PLD5: variants seen among roughly 807,000 people sequenced by gnomAD.
PLD5 encodes the protein inactive phospholipase D5.
Under a neutral mutation model 61.1 loss-of-function variants are expected in PLD5, and 36 were observed. The observed-to-expected ratio is 0.59, with a 90% CI of 0.45 to 0.78. The LOEUF (loss-of-function observed/expected upper bound fraction) is 0.78, where lower values mean the gene tolerates loss of function less well. Ranked by LOEUF, PLD5 falls within the 30% of genes least tolerant of loss-of-function variation. The probability of loss-of-function intolerance (pLI) is 0.00; values close to 1 mark genes in which losing one functional copy is unlikely to be tolerated. For missense variants in PLD5, 515 were observed against 644.4 expected, an observed-to-expected ratio of 0.80 and a Z score of 2.17; for synonymous variants, 243 against 242.8, an observed-to-expected ratio of 1.00 and a Z score of -0.01.
chr1:242,407,114 G>A (rs113781653), intron 1 of PLD5, among the ~76,000 whole-genome samples: 30 of 152,164 alleles, frequency 2.0e-4, no homozygotes, highest in African/African-American at 7.2e-4. Flanking sequence ...CCTGGGGGCG[G>A]GTCTTTCTCA....
At chr1:242,344,218 C>A (rs1488062912) in intron 2 of PLD5, among the ~76,000 whole-genome samples, 1 of 152,204 alleles carries the variant, frequency 6.6e-6, no homozygotes, top group Non-Finnish European at 1.5e-5. Flanking sequence ...GACCCTCTAA[C>A]CAATTACATA....
intron 5 of PLD5, among the ~76,000 whole-genome samples, chr1:242,164,167 G>GAAAAA (rs34329270): frequency 2.1e-5 from 3 of 145,908 alleles, no homozygotes; most frequent in Admixed American, 6.8e-5. Context: ...TCTGAATGCA[G>GAAAAA]AAAAAAAAAA....
chr1:242,447,797 TC>T (rs1386183582), intron 1 of PLD5, among the ~76,000 whole-genome samples: 2 of 152,210 alleles, frequency 1.3e-5, no homozygotes, highest in East Asian at 3.9e-4. Flanking sequence ...CCTGACCTGC[TC>T]CTCATTTCTC....
chr1:242,127,572 T>A (rs1404709693), intron 5 of PLD5, among the ~76,000 whole-genome samples: 1 of 151,954 alleles, frequency 6.6e-6, no homozygotes. Context: ...CCAAACATCA[T>A]ATGTTCTCAC....
chr1:242,411,359 C>T (rs1160130113), intron 1 of PLD5, among the ~76,000 whole-genome samples: 1 of 152,210 alleles, frequency 6.6e-6, no homozygotes, highest in Non-Finnish European at 1.5e-5. Flanking sequence ...CCTCAGCCTC[C>T]CGAGTAGCTG....
chr1:242,122,331 T>C lies in PLD5; in HGVS notation c.933+2137A>G, dbSNP rs193022978. 3.2e-4 allele frequency among the ~76,000 whole-genome samples: 48 copies of C among 152,364 alleles called. 1 individual carries two copies. The highest frequency in any genetic ancestry group is 1.1e-3 in the African/African-American group (47 of 41,594). Reference sequence around the variant, plus strand: ...CTGTTTAAGGGTTAGTATGTAAATGTATGCAACAACCATATTCACTTATCT... The same window carrying C: ...CTGTTTAAGGGTTAGTATGTAAATGCATGCAACAACCATATTCACTTATCT... On this transcript the variant is annotated intron_variant, in intron 6 of 9. Transcript: ENST00000536534.
At position 242,084,814 on chromosome 1, in the gene PLD5, T is replaced by A. The variant is rs1344058456; in HGVS notation, c.*5040A>T. On this transcript the variant is annotated 3_prime_UTR_variant, in exon 10 of 10. Coordinates refer to ENST00000536534, the MANE Select transcript of PLD5 (RefSeq NM_001372062.1). ...ATAGGTATAGTGTTTCAAAGATGCCTCCTTGTGTGAATATACAAAACAGTG... is the reference window on the plus strand; with the variant it reads ...ATAGGTATAGTGTTTCAAAGATGCCACCTTGTGTGAATATACAAAACAGTG... 1 of 138,278 alleles carries A rather than the reference T, an allele frequency of 7.2e-6. No homozygotes were observed. The highest frequency in any genetic ancestry group is 2.7e-5 in the African/African-American group (1 of 37,702). 8.6% of individuals were successfully genotyped at this position (138,278 alleles called of 1,614,324 possible).
chr1:242,216,866 G>A (rs1392811799), intron 5 of PLD5, among the ~76,000 whole-genome samples: 1 of 152,198 alleles, frequency 6.6e-6, no homozygotes, highest in Non-Finnish European at 1.5e-5. Context: ...ACTCTGTTAG[G>A]TGCTGATGAG....
chr1:242,328,247 T>A (rs576096739), intron 2 of PLD5, among the ~76,000 whole-genome samples: 1 of 151,574 alleles, frequency 6.6e-6, no homozygotes, highest in South Asian at 2.1e-4. Context: ...ATTATCAAGA[T>A]GAACATATAT....
At chr1:242,308,973 G>T (rs996793428) in intron 2 of PLD5, among the ~76,000 whole-genome samples, 2 of 152,148 alleles carry the variant, frequency 1.3e-5, no homozygotes, top group African/African-American at 4.8e-5. Context: ...GGGGACGTAA[G>T]GGGGAGAAAG....
chr1:242,380,513 A>G (rs1238576886), intron 1 of PLD5, among the ~76,000 whole-genome samples: 1 of 152,144 alleles, frequency 6.6e-6, no homozygotes, highest in African/African-American at 2.4e-5. Context: ...GCTTCTCCCA[A>G]ACCCTCTCAA....
chr1:242,326,917 G>A (rs1658828647), intron 2 of PLD5, among the ~76,000 whole-genome samples: 1 of 151,382 alleles, frequency 6.6e-6, no homozygotes, highest in African/African-American at 2.4e-5. Context: ...CCAGGCTGGA[G>A]TGCAGTGGTG....
At position 242,238,801 on chromosome 1, in the gene PLD5, C is replaced by T. The variant is rs78211579; in HGVS notation, c.608-18686G>A. On this transcript the variant is annotated intron_variant, in intron 4 of 9. Transcript: ENST00000536534. ...ATGGGGCCATCTGAGTGAGCAGAGCCTTTGGATGACTCTGGGGCCTAGCAG... is the reference window on the plus strand; with the variant it reads ...ATGGGGCCATCTGAGTGAGCAGAGCTTTTGGATGACTCTGGGGCCTAGCAG... 4.6e-5 allele frequency among the ~76,000 whole-genome samples: 7 copies of T among 152,250 alleles called. No individual in the cohort carries two copies. In the East Asian group the frequency reaches 1.4e-3, roughly 29 times the overall value.
intron 1 of PLD5, among the ~76,000 whole-genome samples, chr1:242,490,388 T>C (rs1361447686): frequency 6.6e-6 from 1 of 152,232 alleles, no homozygotes; most frequent in Non-Finnish European, 1.5e-5. Context: ...ATTTTTTAAT[T>C]GTATTGTAAT....
chr1:242,387,754 C>A (rs1408515715), intron 1 of PLD5, among the ~76,000 whole-genome samples: 1 of 145,804 alleles, frequency 6.9e-6, no homozygotes, highest in African/African-American at 2.5e-5. Context: ...TGATATATAT[C>A]AAAATAAATA....
intron 1 of PLD5, among the ~76,000 whole-genome samples, chr1:242,391,064 G>A (rs1251799805): frequency 6.6e-6 from 1 of 152,046 alleles, no homozygotes; most frequent in Non-Finnish European, 1.5e-5. Flanking sequence ...GTGTGGTGGC[G>A]GGTATCTGCA....
intron 5 of PLD5, among the ~76,000 whole-genome samples, chr1:242,207,522 C>T (rs1669397528): frequency 6.6e-6 from 1 of 151,982 alleles, no homozygotes; most frequent in East Asian, 1.9e-4. Context: ...AGAAGCTGCT[C>T]ACAGATCTTC....
chr1:242,403,778 T>G (rs1664074822), intron 1 of PLD5, among the ~76,000 whole-genome samples: 1 of 152,168 alleles, frequency 6.6e-6, no homozygotes, highest in African/African-American at 2.4e-5. Context: ...TGGGTGTGAA[T>G]GAGCCCCATC....
At chr1:242,307,189 T>C (rs554460858) in intron 2 of PLD5, among the ~76,000 whole-genome samples, 1 of 152,344 alleles carries the variant, frequency 6.6e-6, no homozygotes, top group South Asian at 2.1e-4. Context: ...TTCCAGATTA[T>C]ATAACTGATG....
Sources: allele counts gnomAD v4.1 joint callset (sites outside exome capture counted in the v4.1 genomes callset), GRCh38; gene constraint gnomAD v4.1.1; transcripts MANE v1.5; gene names NCBI Gene and HGNC (gene_info 2026-07-23, HGNC 2026-07-21).